The following EDIL3 variants were observed in gnomAD, a reference collection of about 807,000 sequenced individuals.
EDIL3 encodes the protein EGF-like repeat and discoidin I-like domain-containing protein 3.
In EDIL3, 37 loss-of-function variants were observed where a neutral mutation model predicts 67.4. The observed-to-expected ratio is 0.55, with a 90% confidence interval of 0.42 to 0.72. The LOEUF (loss-of-function observed/expected upper bound fraction) is 0.72. Among genes scored for constraint, EDIL3 ranks in the 30% least tolerant of loss-of-function variants. The pLI, the probability that EDIL3 is intolerant of heterozygous loss-of-function variation, is 0.00. For missense variants in EDIL3, 527 were observed against 586.3 expected (o/e 0.90, Z 1.04); for synonymous variants, 195 against 196.3 (o/e 0.99, Z 0.05).
chr5:84,161,689 A>G (rs1748616037), intron 4 of EDIL3, among the ~76,000 whole-genome samples: 1 of 152,082 alleles, frequency 6.6e-6, no homozygotes, highest in African/African-American at 2.4e-5. Context: ...AAAAATTCAT[A>G]GTGATATCCA....
intron 9 of EDIL3, among the ~76,000 whole-genome samples, chr5:84,032,394 C>T (rs1039071251): frequency 1.3e-5 from 2 of 152,110 alleles, no homozygotes; most frequent in Admixed American, 6.6e-5. Context: ...TTCTGAGTTA[C>T]TTGAGAGTTC....
intron 6 of EDIL3, among the ~76,000 whole-genome samples, chr5:84,084,780 G>T (rs1379451832): frequency 6.6e-6 from 1 of 152,066 alleles, no homozygotes; most frequent in Non-Finnish European, 1.5e-5. Context: ...TGAAACACAA[G>T]AACATTATAA....
rs555791727 is a variant in EDIL3, at chr5:84,044,203, C to T, written c.1137+16097G>A. ...TTAGTTTGCTGAGAATGATGGTTTC[C>T]AGCTGCATCCATGTTAAAAAGCACT... On this transcript the variant is annotated intron_variant, in intron 9 of 10. Coordinates refer to ENST00000296591, the MANE Select transcript of EDIL3 (RefSeq NM_005711.5). Among the ~76,000 whole-genome samples the T allele has an allele frequency of 3.3e-5, 5 of 152,156 alleles. No individual in the cohort carries two copies. The South Asian group carries it at 1.0e-3, about 32-fold the overall frequency.
intron 1 of EDIL3, among the ~76,000 whole-genome samples, chr5:84,340,528 CTCTCTCTATATATATATATATATATA>C (rs1039281108): frequency 5.6e-5 from 4 of 71,546 alleles, no homozygotes; most frequent in African/African-American, 1.8e-4. Context: ...CTCTCTCTCT[CTCTCTCTATATATATATATATATATA>C]TATATATATA....
At chr5:84,211,170 G>A (rs1744109730) in intron 3 of EDIL3, among the ~76,000 whole-genome samples, 1 of 152,206 alleles carries the variant, frequency 6.6e-6, no homozygotes, top group South Asian at 2.1e-4. Flanking sequence ...GTGTTGAGGT[G>A]AGGCCTGGTG....
At chr5:84,379,289 A>G (rs1748030300) in intron 1 of EDIL3, among the ~76,000 whole-genome samples, 1 of 152,190 alleles carries the variant, frequency 6.6e-6, no homozygotes, top group African/African-American at 2.4e-5. Flanking sequence ...ACATCAATTG[A>G]TGCAGAGGAG....
chr5:84,331,288 G>C (rs1208991561), intron 1 of EDIL3, among the ~76,000 whole-genome samples: 2 of 152,150 alleles, frequency 1.3e-5, no homozygotes, highest in Non-Finnish European at 2.9e-5. Flanking sequence ...GAAATGTGAA[G>C]ACATGAGATT....
chr5:84,148,694 C>A (rs1748330613), intron 4 of EDIL3, among the ~76,000 whole-genome samples: 1 of 152,198 alleles, frequency 6.6e-6, no homozygotes, highest in Middle Eastern at 3.4e-3. Context: ...CCTGGCAGAG[C>A]TAGAGGCAAC....
intron 2 of EDIL3, among the ~76,000 whole-genome samples, chr5:84,236,990 A>T (rs1260548310): frequency 6.6e-6 from 1 of 152,156 alleles, no homozygotes; most frequent in African/African-American, 2.4e-5. Context: ...CATTAATTCT[A>T]CAATGAGAAT....
At chr5:84,064,293 T>G (rs1746595191) in intron 8 of EDIL3, among the ~76,000 whole-genome samples, 1 of 152,168 alleles carries the variant, frequency 6.6e-6, no homozygotes, top group Non-Finnish European at 1.5e-5. Flanking sequence ...AAGATAAAGC[T>G]TACTTTTCTG....
intron 9 of EDIL3, among the ~76,000 whole-genome samples, chr5:84,040,515 T>TTA (rs200126911): frequency 0.039 from 5,794 of 147,756 alleles, 146 homozygotes; most frequent in Non-Finnish European, 0.058. Flanking sequence ...AGATATATAA[T>TTA]TATATATATA....
At chr5:84,244,041 C>T (rs751954523) in intron 2 of EDIL3, among the ~76,000 whole-genome samples, 83 of 152,170 alleles carry the variant, frequency 5.5e-4, no homozygotes, top group Non-Finnish European at 9.0e-4. Flanking sequence ...TCTATGGCTC[C>T]GGGGAATGTG....
chr5:84,090,440 G>T (rs1309731008), intron 6 of EDIL3, among the ~76,000 whole-genome samples: 2 of 152,154 alleles, frequency 1.3e-5, no homozygotes, highest in Non-Finnish European at 2.9e-5. Context: ...CATCACGGTA[G>T]TGATTTCTAC....
intron 6 of EDIL3, among the ~76,000 whole-genome samples, chr5:84,076,932 GT>G (rs1746868803): frequency 6.6e-6 from 1 of 152,130 alleles, no homozygotes; most frequent in African/African-American, 2.4e-5. Flanking sequence ...GTAGACAATG[GT>G]CACATTTCAG....
At chr5:84,358,592 C>CTTTTTTTTTTTTTTTTT (rs756013675) in intron 1 of EDIL3, among the ~76,000 whole-genome samples, 2 of 94,560 alleles carry the variant, frequency 2.1e-5, no homozygotes, top group African/African-American at 7.9e-5. Context: ...CATTTTTATC[C>CTTTTTTTTTTTTTTTTT]TTTTTTTTTT....
chr5:83,948,866 A>G (rs1168062307), intron 10 of EDIL3, among the ~76,000 whole-genome samples: 1 of 151,758 alleles, frequency 6.6e-6, no homozygotes, highest in East Asian at 2.0e-4. Flanking sequence ...AATGGCTAGT[A>G]TATTATTCTT....
chr5:84,193,169 T>C (rs1253200153), intron 3 of EDIL3, among the ~76,000 whole-genome samples: 1 of 151,924 alleles, frequency 6.6e-6, no homozygotes, highest in African/African-American at 2.4e-5. Flanking sequence ...TTAAAGATGA[T>C]TTGTTTGCTA....
chr5:84,306,296 T>C (rs1188594292), intron 1 of EDIL3, among the ~76,000 whole-genome samples: 1 of 152,192 alleles, frequency 6.6e-6, no homozygotes, highest in South Asian at 2.1e-4. Context: ...GAAAATGCAT[T>C]TGGTGTGTAT....
At chr5:84,227,434 C>A (rs1054563453) in intron 3 of EDIL3, among the ~76,000 whole-genome samples, 34 of 151,982 alleles carry the variant, frequency 2.2e-4, no homozygotes, top group Admixed American at 5.9e-4. Context: ...ACAACAGATG[C>A]TGGCAAGGCT....
Sources: gnomAD v4.1 joint callset for allele counts (sites outside exome capture counted in the v4.1 genomes callset) on GRCh38, gnomAD v4.1.1 for gene constraint, MANE v1.5 for transcripts, NCBI Gene and HGNC (gene_info 2026-07-23, HGNC 2026-07-21) for gene names.